Variants in PPM1B observed in about 807,000 individuals in gnomAD.
The protein encoded by PPM1B is protein phosphatase, Mg2+/Mn2+ dependent 1B, also known as protein phosphatase 1B.
Under a neutral mutation model 43.0 loss-of-function variants are expected in PPM1B, and 22 were observed. The observed-to-expected ratio is 0.51, with a 90% confidence interval of 0.37 to 0.73. The LOEUF (loss-of-function observed/expected upper bound fraction) is 0.73, where lower values mean the gene tolerates loss of function less well. Among genes scored for constraint, PPM1B ranks in the 30% least tolerant of loss-of-function variants. The pLI, the probability that PPM1B is intolerant of heterozygous loss-of-function variation, is 0.00. For missense variants in PPM1B, 632 were observed against 584.2 expected, an observed-to-expected ratio of 1.08 and a Z score of -0.84; for synonymous variants, 217 against 197.9, an observed-to-expected ratio of 1.10 and a Z score of -0.81.
intron 1 of PPM1B, among the ~76,000 whole-genome samples, chr2:44,190,616 T>C (rs1039260874): frequency 7.9e-5 from 12 of 152,224 alleles, no homozygotes; most frequent in Non-Finnish European, 1.3e-4. Flanking sequence ...TAAAAAAATT[T>C]AGTAGGCAGA....
At chr2:44,217,211 C>G (rs1669761151) in intron 3 of PPM1B, among the ~76,000 whole-genome samples, 1 of 151,942 alleles carries the variant, frequency 6.6e-6, no homozygotes, top group Non-Finnish European at 1.5e-5. Context: ...ATCAGCCTGA[C>G]CAACATGGAG....
chr2:44,188,458 C>T (rs115777147), intron 1 of PPM1B, among the ~76,000 whole-genome samples: 452 of 144,340 alleles, frequency 3.1e-3, no homozygotes, highest in African/African-American at 0.011. Context: ...TACAACAGTA[C>T]GATCATGGCT....
At chr2:44,198,409 C>T (rs930069584) in intron 1 of PPM1B, among the ~76,000 whole-genome samples, 6 of 152,206 alleles carry the variant, frequency 3.9e-5, no homozygotes, top group Non-Finnish European at 8.8e-5. Flanking sequence ...GATCCGCCCG[C>T]CTCAGCCTCC....
At chr2:44,233,386 C>T, downstream of PPM1B, 3 of 983,566 alleles carry the variant, frequency 3.1e-6, no homozygotes, top group Non-Finnish European at 3.6e-6. Context: ...ACATAAGGTA[C>T]TTGAAGATTT....
chr2:44,203,676 C>T lies in PPM1B; in HGVS notation c.846+1631C>T, dbSNP rs551730423. The stretch of plus-strand genomic sequence containing the variant: ...TTATACTTGTTATTCTACAGCCTGC[C>T]TTTTCCAACAATATATTGTAGAGAG... On this transcript the variant is annotated intron_variant, in intron 2 of 5. Transcript: ENST00000282412. Among the ~76,000 whole-genome samples the T allele has an allele frequency of 1.1e-4, 16 of 152,156 alleles. 1 individual carries two copies. Among genetic ancestry groups the T allele is most frequent in the African/African-American group, 3.9e-4 (16 of 41,502 alleles).
At position 44,190,191 on chromosome 2, in the gene PPM1B, T is replaced by G. The variant is rs375246231; in HGVS notation, c.-14-10995T>G. Among the ~76,000 whole-genome samples the G allele has an allele frequency of 2.0e-5, 3 of 149,988 alleles. No individual in the cohort carries two copies. In the East Asian group the frequency reaches 5.9e-4, roughly 30 times the overall value. ...TTTTTTTTTTGAGACCGTCTTGCCC[T>G]GTTGCCCAGGCTGGAGTGCAATGGC... is the stretch of plus-strand genomic sequence containing the variant. On this transcript the variant is annotated intron_variant, in intron 1 of 5. Coordinates refer to ENST00000282412, the MANE Select transcript of PPM1B (RefSeq NM_002706.6).
intron 1 of PPM1B, among the ~76,000 whole-genome samples, chr2:44,177,504 C>T (rs568247423): frequency 1.3e-5 from 2 of 149,014 alleles, no homozygotes; most frequent in South Asian, 2.1e-4. Flanking sequence ...CTGCAGCCTC[C>T]GCCTTCAGGT....
intron 1 of PPM1B, among the ~76,000 whole-genome samples, chr2:44,179,508 A>G (rs902474173): frequency 3.0e-4 from 45 of 151,910 alleles, no homozygotes; most frequent in African/African-American, 1.0e-3. Context: ...TTTTTAATCT[A>G]AGGAGAGAGA....
intron 1 of PPM1B, among the ~76,000 whole-genome samples, chr2:44,185,497 A>G (rs1488112115): frequency 1.3e-5 from 2 of 152,148 alleles, no homozygotes; most frequent in African/African-American, 4.8e-5. Context: ...TTTCCATTTT[A>G]TGAACTATAT....
chr2:44,232,950 G>A (rs539259162), downstream of PPM1B: 7 of 977,268 alleles, frequency 7.2e-6, no homozygotes, highest in South Asian at 4.7e-5. Context: ...AAGATAAAGT[G>A]TATTTGGGAA....
At chr2:44,172,669 G>T (rs373583378) in intron 1 of PPM1B, among the ~76,000 whole-genome samples, 3 of 152,248 alleles carry the variant, frequency 2.0e-5, no homozygotes, top group African/African-American at 7.2e-5. Context: ...GCTCACTCCT[G>T]TCCCAACATT....
chr2:44,183,984 C>G (rs1427860453), intron 1 of PPM1B, among the ~76,000 whole-genome samples: 1 of 152,108 alleles, frequency 6.6e-6, no homozygotes, highest in Non-Finnish European at 1.5e-5. Context: ...GTGATCCGCC[C>G]GCCTCGGCCT....
In PPM1B at chr2:44,180,047, A is replaced by C. The variant is rs998695113; in HGVS notation, c.-15+10773A>C. Among the ~76,000 whole-genome samples the C allele has an allele frequency of 1.5e-4, 9 of 60,560 alleles. No homozygotes were observed. The Admixed American group carries it at 1.7e-3, about 12-fold the overall frequency. 39.7% of individuals were successfully genotyped at this position (60,560 alleles called of 152,430 possible). A position where few individuals can be genotyped will look rare whatever the true frequency, so the allele number is the denominator to read the frequency against. On this transcript the variant is annotated intron_variant, in intron 1 of 5. Coordinates refer to ENST00000282412, the MANE Select transcript of PPM1B (RefSeq NM_002706.6). ...AAAAAAAGACTTTAACCTCAAGTCA[A>C]CTCTTAAAATATTCCCCAAAATGTG...
At chr2:44,218,560 A>C in intron 5 of PPM1B, 23 bp downstream of exon 5, 1 of 1,480,196 alleles carries the variant, frequency 6.8e-7, no homozygotes, top group Non-Finnish European at 9.2e-7. Context: ...TTATTTCATA[A>C]GCATTTGAAG....
rs756619848 is a variant in PPM1B at position 44,230,650 on chromosome 2, A to T, written c.1372A>T (p.Ser458Cys). 6.2e-7 allele frequency: 1 copy of T among 1,614,186 alleles called. No individual in the cohort carries two copies. Among genetic ancestry groups the T allele is most frequent in the East Asian group, 2.2e-5 (1 of 44,882 alleles). Reference sequence around the variant, plus strand: ...GCAGGAAAGCCATACTGAATCAGAAAGTGGTCTTGCTGAATTAGACAGCTC... The same window carrying T: ...GCAGGAAAGCCATACTGAATCAGAATGTGGTCTTGCTGAATTAGACAGCTC... Reference protein sequence around the residue: ...TMQESHTESESGLAELDSSNE... With the variant: ...TMQESHTESECGLAELDSSNE... Residue 458 changes from serine (S) to cysteine (C), a missense_variant, in exon 6 of 6, where the codon AGT becomes TGT. By Grantham distance (112) the Ser-to-Cys change is moderately radical. This residue lies in a region of PPM1B where 392 missense variants were observed against 302.7 expected (regional missense o/e 1.29). Coordinates refer to ENST00000282412, the MANE Select transcript of PPM1B (RefSeq NM_002706.6).
At chr2:44,210,707 C>T (rs1669421645) in intron 3 of PPM1B, among the ~76,000 whole-genome samples, 1 of 152,096 alleles carries the variant, frequency 6.6e-6, no homozygotes, top group Non-Finnish European at 1.5e-5. Context: ...ACCTCTCTCT[C>T]CTCTTATTCC....
chr2:44,209,113 A>T, intron 2 of PPM1B, 97 bp from the exon 3 acceptor site: 1 of 1,093,266 alleles, frequency 9.1e-7, no homozygotes, highest in Middle Eastern at 2.1e-4. Flanking sequence ...AACGTTCTGG[A>T]TGATTAAATA....
At chr2:44,173,683 C>G (rs1027845757) in intron 1 of PPM1B, among the ~76,000 whole-genome samples, 2 of 152,184 alleles carry the variant, frequency 1.3e-5, no homozygotes, top group African/African-American at 2.4e-5. Flanking sequence ...TGGCTCATGC[C>G]TGTAATCCCA....
At chr2:44,214,534 C>G (rs1256159828) in intron 3 of PPM1B, among the ~76,000 whole-genome samples, 1 of 152,014 alleles carries the variant, frequency 6.6e-6, no homozygotes, top group Non-Finnish European at 1.5e-5. Context: ...AAATTAAACT[C>G]AACTTGGGGT....
Sources: gnomAD v4.1 joint callset for allele counts (sites outside exome capture counted in the v4.1 genomes callset) on GRCh38, gnomAD v4.1.1 for gene constraint, gnomAD v4.1.1 regional missense constraint, MANE v1.5 for transcripts, NCBI Gene and HGNC (gene_info 2026-07-23, HGNC 2026-07-21) for gene names.